GLRA1: variants seen among roughly 807,000 people sequenced by gnomAD.
The protein encoded by GLRA1 is glycine receptor alpha 1.
A neutral mutation model predicts 48.3 loss-of-function variants in GLRA1; 37 were observed. That is an observed-to-expected ratio of 0.77 (90% CI 0.59 to 1.01). The LOEUF (loss-of-function observed/expected upper bound fraction) is 1.01. Ranked by LOEUF, GLRA1 falls within the 50% of genes least tolerant of loss-of-function variation. GLRA1 has a pLI of 0.00. For missense variants in GLRA1, 427 were observed against 571.0 expected, an observed-to-expected ratio of 0.75 and a Z score of 2.57; for synonymous variants, 196 against 210.7, an observed-to-expected ratio of 0.93 and a Z score of 0.60.
intron 1 of GLRA1, among the ~76,000 whole-genome samples, chr5:151,899,178 T>C (rs1754304562): frequency 1.3e-5 from 2 of 152,150 alleles, no homozygotes; most frequent in Admixed American, 1.3e-4. Context: ...TTATTTACTG[T>C]CCAGTAGATA....
intron 1 of GLRA1, among the ~76,000 whole-genome samples, chr5:151,896,355 T>C (rs1317610038): frequency 1.3e-5 from 2 of 152,230 alleles, no homozygotes; most frequent in African/African-American, 4.8e-5. Context: ...CATTTTCAAG[T>C]GTTGACTCAT....
intron 8 of GLRA1, 44 bp downstream of exon 8, chr5:151,828,877 T>A: frequency 6.3e-7 from 1 of 1,586,418 alleles, no homozygotes; most frequent in South Asian, 1.1e-5. Context: ...ACTCTTTTGT[T>A]TACTAACAGC....
chr5:151,842,089 A>G (rs1408551753), intron 7 of GLRA1, among the ~76,000 whole-genome samples: 1 of 151,964 alleles, frequency 6.6e-6, no homozygotes, highest in Non-Finnish European at 1.5e-5. Flanking sequence ...GAAACTTTGA[A>G]TACACACATA....
intron 1 of GLRA1, among the ~76,000 whole-genome samples, chr5:151,915,587 G>A: frequency 6.6e-6 from 1 of 152,058 alleles, no homozygotes; most frequent in East Asian, 1.9e-4. Flanking sequence ...GCTTCAACAG[G>A]TAAGGCTTCC....
intron 1 of GLRA1, among the ~76,000 whole-genome samples, chr5:151,893,692 T>C (rs1348204717): frequency 6.6e-6 from 1 of 152,186 alleles, no homozygotes; most frequent in Non-Finnish European, 1.5e-5. Context: ...CATGAACTCA[T>C]TCTTTTTTAT....
At chr5:151,850,844 C>T (rs1407454425) in intron 7 of GLRA1, 2 of 694,960 alleles carry the variant, frequency 2.9e-6, no homozygotes, top group Non-Finnish European at 5.4e-6. Context: ...TCATCCCACT[C>T]CAACTCTTCC....
At chr5:151,849,367 C>CTTCCTTTCCTTTCCTTTCCT (rs1554083381) in intron 7 of GLRA1, among the ~76,000 whole-genome samples, 3 of 35,558 alleles carry the variant, frequency 8.4e-5, no homozygotes, top group East Asian at 9.8e-4. Context: ...TCCTTCCTTT[C>CTTCCTTTCCTTTCCTTTCCT]TTCCTTTCGT....
intron 7 of GLRA1, chr5:151,850,272 G>A (rs1486267468): frequency 1.2e-6 from 2 of 1,604,336 alleles, no homozygotes; most frequent in African/African-American, 2.7e-5. Flanking sequence ...GGTCATGCCT[G>A]CCCAGTGGGA....
chr5:151,883,939 TG>T (rs562839035), intron 3 of GLRA1, among the ~76,000 whole-genome samples: 201 of 150,844 alleles, frequency 1.3e-3, no homozygotes, highest in African/African-American at 4.6e-3. Flanking sequence ...GGGTGGGAAA[TG>T]GGGGGTGAGG....
At chr5:151,907,741 G>C (rs1754511013) in intron 1 of GLRA1, among the ~76,000 whole-genome samples, 1 of 152,194 alleles carries the variant, frequency 6.6e-6, no homozygotes, top group Non-Finnish European at 1.5e-5. Context: ...GTATTATTCT[G>C]TGCTAAATCT....
At chr5:151,909,225 A>G (rs1754550804) in intron 1 of GLRA1, among the ~76,000 whole-genome samples, 1 of 152,230 alleles carries the variant, frequency 6.6e-6, no homozygotes, top group African/African-American at 2.4e-5. Flanking sequence ...GAGAGAAAAG[A>G]AAACTATGAA....
chr5:151,833,638 T>C (rs912277266), intron 7 of GLRA1, among the ~76,000 whole-genome samples: 5 of 151,878 alleles, frequency 3.3e-5, no homozygotes, highest in African/African-American at 1.2e-4. Context: ...TAATTTTGTA[T>C]TTTTAGTAGA....
At chr5:151,871,605 G>T (rs1475938164) in intron 3 of GLRA1, among the ~76,000 whole-genome samples, 1 of 147,122 alleles carries the variant, frequency 6.8e-6, no homozygotes, top group Non-Finnish European at 1.5e-5. Flanking sequence ...CTGTCGCCCA[G>T]GCTGGAGTGC....
At chr5:151,898,752 G>GAC (rs1423862219) in intron 1 of GLRA1, among the ~76,000 whole-genome samples, 6 of 152,164 alleles carry the variant, frequency 3.9e-5, no homozygotes, top group African/African-American at 9.7e-5. Context: ...AGAGGAAGAG[G>GAC]ACACTGTAAA....
chr5:151,842,100 A>G (rs1479055313), intron 7 of GLRA1, among the ~76,000 whole-genome samples: 1 of 152,000 alleles, frequency 6.6e-6, no homozygotes, highest in Non-Finnish European at 1.5e-5. Context: ...TACACACATA[A>G]CATGTAAGGA....
chr5:151,832,817 C>T (rs936373560), intron 7 of GLRA1, among the ~76,000 whole-genome samples: 29 of 152,030 alleles, frequency 1.9e-4, no homozygotes, highest in Admixed American at 2.0e-4. Flanking sequence ...AGATACTCCT[C>T]GAGAAGACCA....
At chr5:151,843,469 G>C (rs1289281901) in intron 7 of GLRA1, among the ~76,000 whole-genome samples, 1 of 151,902 alleles carries the variant, frequency 6.6e-6, no homozygotes, top group Non-Finnish European at 1.5e-5. Flanking sequence ...CACCATGTTA[G>C]TCAGGATGGT....
chr5:151,846,795 A>G (rs959969545), intron 7 of GLRA1, among the ~76,000 whole-genome samples: 2 of 152,212 alleles, frequency 1.3e-5, no homozygotes, highest in Admixed American at 1.3e-4. Flanking sequence ...AACTGGGAGA[A>G]TTTAAATAAA....
intron 1 of GLRA1, among the ~76,000 whole-genome samples, chr5:151,914,909 C>T (rs933116267): frequency 2.0e-5 from 3 of 152,176 alleles, no homozygotes; most frequent in East Asian, 1.9e-4. Context: ...TCATATCTTT[C>T]GTCTCTCTCA....
Sources: gnomAD v4.1 joint callset for allele counts (sites outside exome capture counted in the v4.1 genomes callset) on GRCh38, gnomAD v4.1.1 for gene constraint, MANE v1.5 for transcripts, NCBI Gene and HGNC (gene_info 2026-07-23, HGNC 2026-07-21) for gene names.